ZNF560: variants seen among roughly 807,000 people sequenced by gnomAD.
ZNF560 encodes the protein zinc finger protein 560.
ZNF560 carries 54 observed loss-of-function variants against 81.8 expected under a neutral mutation model. The ratio of observed to expected loss-of-function variants is 0.66; its 90% CI spans 0.53 to 0.83. The LOEUF (loss-of-function observed/expected upper bound fraction) is 0.83. Ranked by LOEUF, ZNF560 falls within the 40% of genes least tolerant of loss-of-function variation. The pLI is 0.00. For missense variants in ZNF560, 940 were observed against 932.4 expected (o/e 1.01, Z -0.11); for synonymous variants, 321 against 317.9 (o/e 1.01, Z -0.10).
chr19:9,459,976 T>C, the ZNF560 span, among the ~76,000 whole-genome samples: 1 of 147,890 alleles, frequency 6.8e-6, no homozygotes, highest in African/African-American at 2.6e-5. Context: ...GCCTCAGCCC[T>C]TCTACCGACA....
At chr19:9,498,783 C>G (rs1195207935), upstream of ZNF560, 1 of 152,362 alleles carries the variant, frequency 6.6e-6, no homozygotes, top group Non-Finnish European at 1.5e-5. Flanking sequence ...GAAATGGACC[C>G]ACAGAGAAAG....
the ZNF560 span, among the ~76,000 whole-genome samples, chr19:9,448,848 T>C: frequency 3.9e-5 from 6 of 152,144 alleles, no homozygotes; most frequent in African/African-American, 1.4e-4. Flanking sequence ...AGAGCTATCA[T>C]GCAAATGCAA....
chr19:9,505,241 T>G, the ZNF560 span, among the ~76,000 whole-genome samples: 1 of 152,256 alleles, frequency 6.6e-6, no homozygotes. Context: ...CATCTCTTGA[T>G]GAATTGAAGC....
intron 2 of ZNF560, among the ~76,000 whole-genome samples, chr19:9,487,136 A>G (rs1005290102): frequency 1.3e-5 from 2 of 152,194 alleles, no homozygotes; most frequent in Non-Finnish European, 2.9e-5. Context: ...AGCAGCAGGG[A>G]CAAGCTCCAT....
chr19:9,472,634 A>C (rs146406249), intron 5 of ZNF560, among the ~76,000 whole-genome samples: 1,814 of 152,324 alleles, frequency 0.012, 45 homozygotes, highest in African/African-American at 0.041. Context: ...ACAGGAAAAC[A>C]ACCTCAGGGT....
Position 9,498,235 on chromosome 19 carries a change from C to T in ZNF560, c.-144-20G>A, listed in dbSNP as rs184565666. 6.6e-6 allele frequency: 1 copy of T among 152,158 alleles called. No homozygotes were observed. The highest frequency in any genetic ancestry group is 2.4e-5 in the African/African-American group (1 of 41,436). The allele number at this position is 152,158 out of a possible 1,614,324, so 9.4% of individuals were successfully genotyped here. ...TTCCCTCTGAAACACAATTCACAAACGTTGCCTTGGAGACTTATTTTTTAA... is the reference window on the plus strand; with the variant it reads ...TTCCCTCTGAAACACAATTCACAAATGTTGCCTTGGAGACTTATTTTTTAA... On this transcript the variant is annotated intron_variant, in intron 1 of 9. Coordinates refer to ENST00000301480, the MANE Select transcript of ZNF560 (RefSeq NM_152476.3).
chr19:9,472,274 G>C (rs894797506), intron 5 of ZNF560, among the ~76,000 whole-genome samples: 1 of 152,094 alleles, frequency 6.6e-6, no homozygotes, highest in Non-Finnish European at 1.5e-5. Context: ...TGACATACTC[G>C]GAGTAATAAG....
intron 9 of ZNF560, among the ~76,000 whole-genome samples, chr19:9,468,724 T>C (rs924350542): frequency 1.4e-5 from 2 of 147,866 alleles, no homozygotes; most frequent in South Asian, 4.3e-4. Flanking sequence ...TCTGCTGATT[T>C]CTTTTTTTTT....
chr19:9,482,507 C>G (rs951466854), intron 2 of ZNF560, among the ~76,000 whole-genome samples: 1 of 151,936 alleles, frequency 6.6e-6, no homozygotes, highest in African/African-American at 2.4e-5. Flanking sequence ...GGCATGGTAG[C>G]ACAAACCTGT....
chr19:9,483,539 G>C (rs1336850316), intron 2 of ZNF560, among the ~76,000 whole-genome samples: 1 of 148,832 alleles, frequency 6.7e-6, no homozygotes, highest in East Asian at 2.0e-4. Context: ...GGGGGTGGGG[G>C]GTCAGCCCCC....
the ZNF560 span, among the ~76,000 whole-genome samples, chr19:9,451,525 C>T: frequency 6.6e-6 from 1 of 152,128 alleles, no homozygotes; most frequent in East Asian, 1.9e-4. Context: ...TTGAAGAAAA[C>T]TTAGGAAATA....
At chr19:9,493,362 G>C (rs1052439173) in intron 2 of ZNF560, among the ~76,000 whole-genome samples, 12 of 152,122 alleles carry the variant, frequency 7.9e-5, no homozygotes, top group Non-Finnish European at 2.9e-5. Context: ...AGTCTGGCAG[G>C]TTTTCTGTTT....
chr19:9,501,778 G>C (rs575760436), upstream of ZNF560, among the ~76,000 whole-genome samples: 3 of 152,128 alleles, frequency 2.0e-5, no homozygotes, highest in Admixed American at 2.0e-4. Flanking sequence ...AGGATTACAG[G>C]CATGAGCCAC....
chr19:9,479,335 T>C (rs779528288), intron 2 of ZNF560, among the ~76,000 whole-genome samples: 7 of 151,904 alleles, frequency 4.6e-5, no homozygotes, highest in Non-Finnish European at 8.8e-5. Flanking sequence ...CAAATGATCA[T>C]GTTGTTTACA....
chr19:9,462,946 G>A (rs1039168224), downstream of ZNF560, among the ~76,000 whole-genome samples: 10 of 152,126 alleles, frequency 6.6e-5, no homozygotes, highest in East Asian at 7.7e-4. Flanking sequence ...ATGAAAAGTA[G>A]AAAAAAACCT....
the ZNF560 span, among the ~76,000 whole-genome samples, chr19:9,450,070 A>G: frequency 6.6e-6 from 1 of 151,592 alleles, no homozygotes; most frequent in African/African-American, 2.4e-5. Context: ...AGGCAGCTGG[A>G]TCATGAGGTC....
chr19:9,473,896 T>C (rs549172359), intron 4 of ZNF560, among the ~76,000 whole-genome samples: 1 of 152,310 alleles, frequency 6.6e-6, no homozygotes, highest in Admixed American at 6.5e-5. Context: ...CCAGTGATTC[T>C]TAATATTATA....
At chr19:9,468,453 T>C (rs1385837563) in intron 9 of ZNF560, 119 bp from the exon 10 acceptor site, 8 of 715,228 alleles carry the variant, frequency 1.1e-5, no homozygotes, top group Non-Finnish European at 1.7e-5. Context: ...GCATATAGTT[T>C]CTACCTTTTG....
chr19:9,456,769 A>G, the ZNF560 span, among the ~76,000 whole-genome samples: 7 of 152,244 alleles, frequency 4.6e-5, no homozygotes, highest in Non-Finnish European at 7.3e-5. Context: ...TCAACCAATT[A>G]TAACTTCTAT....
Sources: allele counts gnomAD v4.1 joint callset (sites outside exome capture counted in the v4.1 genomes callset), GRCh38; gene constraint gnomAD v4.1.1; transcripts MANE v1.5; gene names NCBI Gene and HGNC (gene_info 2026-07-23, HGNC 2026-07-21).